PTPRT: variants seen among roughly 807,000 people sequenced by gnomAD.
PTPRT encodes protein tyrosine phosphatase receptor type T, also known as receptor-type tyrosine-protein phosphatase T.
A neutral mutation model predicts 176.8 loss-of-function variants in PTPRT; 56 were observed. The observed-to-expected ratio is 0.32, with a 90% confidence interval of 0.26 to 0.40. The LOEUF (loss-of-function observed/expected upper bound fraction) is 0.40, where lower values mean the gene tolerates loss of function less well. Among genes scored for constraint, PTPRT ranks in the 10% least tolerant of loss-of-function variants. The pLI is 1.00. For synonymous variants in PTPRT, 783 were observed against 739.0 expected (o/e 1.06, Z -0.96); for missense variants, 1,540 against 1,908.2 (o/e 0.81, Z 3.60).
intron 16 of PTPRT, among the ~76,000 whole-genome samples, chr20:42,190,280 T>G (rs1320787113): frequency 4.6e-5 from 7 of 152,176 alleles, no homozygotes; most frequent in African/African-American, 1.7e-4. Flanking sequence ...TGCTTTTCCT[T>G]GTAAATTTCC....
intron 14 of PTPRT, among the ~76,000 whole-genome samples, chr20:42,243,161 G>T (rs2056388744): frequency 6.6e-6 from 1 of 152,114 alleles, no homozygotes; most frequent in South Asian, 2.1e-4. Flanking sequence ...CTGGGTGTTG[G>T]AATCCCATCT....
intron 2 of PTPRT, among the ~76,000 whole-genome samples, chr20:42,860,248 G>C (rs985159322): frequency 6.6e-6 from 1 of 152,008 alleles, no homozygotes; most frequent in Non-Finnish European, 1.5e-5. Flanking sequence ...TCTGTTTTAA[G>C]GACATACTTT....
chr20:42,776,057 C>G (rs1466626941), intron 4 of PTPRT, among the ~76,000 whole-genome samples: 1 of 152,164 alleles, frequency 6.6e-6, no homozygotes, highest in African/African-American at 2.4e-5. Context: ...CACCAGGCAG[C>G]CTGCTCAGTT....
rs187549304 is a variant in PTPRT at position 42,679,372 on chromosome 20, A to T, written c.860-1213T>A. 2.6e-4 allele frequency among the ~76,000 whole-genome samples: 40 copies of T among 152,270 alleles called. No individual in the cohort carries two copies. In the East Asian group the frequency reaches 6.8e-3, roughly 26 times the overall value. ...TCATGGAGAAGGTAGTGTAGGATAA[A>T]ACTTATATCCGCATGCCTTCCTGGA... is the stretch of plus-strand genomic sequence containing the variant. On this transcript the variant is annotated intron_variant, in intron 6 of 30. Transcript: ENST00000373187.
At position 42,664,869 on chromosome 20, in the gene PTPRT, G is replaced by A. The variant is rs182312769; in HGVS notation, c.1153+12997C>T. Among the ~76,000 whole-genome samples, 119 of 152,240 alleles carry A rather than the reference G, an allele frequency of 7.8e-4. No individual in the cohort carries two copies. The Middle Eastern group carries it at 0.014, about 17-fold the overall frequency. On this transcript the variant is annotated intron_variant, in intron 7 of 30. Coordinates refer to ENST00000373187, the MANE Select transcript of PTPRT (RefSeq NM_007050.6). ...GGAAATGACTCCCTATTTAATAAAT[G>A]GTTTTGGGAAAACCGGGTAGCCATA...
the PTPRT span, among the ~76,000 whole-genome samples, chr20:42,035,042 A>G: frequency 1.3e-5 from 2 of 152,128 alleles, no homozygotes; most frequent in Admixed American, 6.6e-5. Flanking sequence ...GAGATTAGGC[A>G]TAATTCCCAC....
At chr20:42,648,967 T>C (rs2074976199) in intron 7 of PTPRT, among the ~76,000 whole-genome samples, 3 of 151,934 alleles carry the variant, frequency 2.0e-5, no homozygotes, top group Non-Finnish European at 1.5e-5. Context: ...TACAGGCACC[T>C]GCCACCATGC....
At chr20:42,994,542 C>G (rs769150859) in intron 1 of PTPRT, among the ~76,000 whole-genome samples, 1 of 151,866 alleles carries the variant, frequency 6.6e-6, no homozygotes, top group Non-Finnish European at 1.5e-5. Flanking sequence ...TACAGGCTGT[C>G]TCATACCTTA....
intron 1 of PTPRT, among the ~76,000 whole-genome samples, chr20:43,112,333 A>G (rs1366161420): frequency 6.6e-6 from 1 of 152,228 alleles, no homozygotes; most frequent in African/African-American, 2.4e-5. Context: ...TTGATGAGGG[A>G]CTGCATTGTA....
At chr20:42,213,478 G>T (rs1233525926) in intron 15 of PTPRT, among the ~76,000 whole-genome samples, 1 of 152,166 alleles carries the variant, frequency 6.6e-6, no homozygotes, top group African/African-American at 2.4e-5. Context: ...ATTGAACTGT[G>T]TTCCACTCAC....
intron 1 of PTPRT, among the ~76,000 whole-genome samples, chr20:43,180,545 C>T (rs554587130): frequency 1.3e-5 from 2 of 151,986 alleles, no homozygotes; most frequent in Admixed American, 1.3e-4. Flanking sequence ...CTCACTGCAA[C>T]CTCCACCTCC....
At chr20:42,563,507 C>T (rs906797347) in intron 7 of PTPRT, among the ~76,000 whole-genome samples, 6 of 152,086 alleles carry the variant, frequency 3.9e-5, no homozygotes, top group African/African-American at 1.4e-4. Flanking sequence ...AGGAAGATGT[C>T]CCAAGGAAAT....
chr20:42,092,476 T>A (rs1344574671), intron 27 of PTPRT, among the ~76,000 whole-genome samples: 1 of 152,138 alleles, frequency 6.6e-6, no homozygotes, highest in Admixed American at 6.5e-5. Flanking sequence ...CATTAAGACT[T>A]GGAGAAAGTA....
intron 6 of PTPRT, among the ~76,000 whole-genome samples, chr20:42,736,464 A>G (rs1477353311): frequency 1.3e-5 from 2 of 152,242 alleles, no homozygotes; most frequent in Non-Finnish European, 2.9e-5. Flanking sequence ...ATGTCCACTG[A>G]GGGCCCACAA....
At chr20:42,262,776 C>A (rs1028986768) in intron 13 of PTPRT, among the ~76,000 whole-genome samples, 1 of 151,976 alleles carries the variant, frequency 6.6e-6, no homozygotes, top group African/African-American at 2.4e-5. Context: ...TTGATAGAAA[C>A]CAAACAGCTC....
intron 7 of PTPRT, among the ~76,000 whole-genome samples, chr20:42,496,404 G>C (rs1019395848): frequency 2.0e-5 from 3 of 152,054 alleles, no homozygotes. Context: ...AAGTTTCCAT[G>C]TCCTAAAAGA....
intron 16 of PTPRT, among the ~76,000 whole-genome samples, chr20:42,162,241 G>A (rs982493540): frequency 6.6e-6 from 1 of 152,158 alleles, no homozygotes; most frequent in African/African-American, 2.4e-5. Context: ...TGCAGATAGG[G>A]AAGCCTGGGC....
intron 14 of PTPRT, among the ~76,000 whole-genome samples, chr20:42,248,133 G>A (rs1260706230): frequency 6.6e-6 from 1 of 152,130 alleles, no homozygotes; most frequent in African/African-American, 2.4e-5. Flanking sequence ...ACCCAGCTGG[G>A]AAGGTTCTGT....
At chr20:42,050,702 G>A in the PTPRT span, among the ~76,000 whole-genome samples, 3 of 152,254 alleles carry the variant, frequency 2.0e-5, no homozygotes, top group East Asian at 1.9e-4. Context: ...TTTTAGGTGC[G>A]GCCACAGGGA....
Sources: allele counts gnomAD v4.1 joint callset (sites outside exome capture counted in the v4.1 genomes callset), GRCh38; gene constraint gnomAD v4.1.1; transcripts MANE v1.5; gene names NCBI Gene and HGNC (gene_info 2026-07-23, HGNC 2026-07-21).